CD53: variants seen among roughly 807,000 people sequenced by gnomAD.
CD53 encodes leukocyte surface antigen CD53.
CD53 carries 20 observed loss-of-function variants against 27.3 expected under a neutral mutation model. The observed-to-expected ratio is 0.73, with a 90% CI of 0.52 to 1.07. The LOEUF (loss-of-function observed/expected upper bound fraction) is 1.07. Ranked by LOEUF, CD53 falls within the 50% of genes least tolerant of loss-of-function variation. The probability of loss-of-function intolerance (pLI) is 0.00; values close to 1 mark genes in which losing one functional copy is unlikely to be tolerated. For missense variants in CD53, 216 were observed against 264.0 expected, an observed-to-expected ratio of 0.82 and a Z score of 1.26; for synonymous variants, 106 against 105.3, an observed-to-expected ratio of 1.01 and a Z score of -0.04.
chr1:110,874,098 C>A (rs140974684), intron 1 of CD53, among the ~76,000 whole-genome samples: 1,635 of 152,308 alleles, frequency 0.011, 8 homozygotes, highest in Middle Eastern at 0.027. Context: ...TATGTAAGAG[C>A]TTTCTTCTTC....
intron 7 of CD53, among the ~76,000 whole-genome samples, 181 bp from the exon 8 acceptor site, chr1:110,898,943 C>T (rs1215385846): frequency 2.6e-5 from 4 of 152,178 alleles, no homozygotes; most frequent in Non-Finnish European, 5.9e-5. Flanking sequence ...GACCCCGTTT[C>T]TCTCCTCACT....
rs150204756 is a variant in CD53 at position 110,894,367 on chromosome 1, C to T, written c.293C>T (p.Thr98Ile). ...CTGATTATCCTCCTTGCTGAGGTGA[C>T]CTTGGCCATCCTGCTCTTTGTATAT... ...LLLIILLAEV[T>I]LAILLFVYEQ... The change falls in exon 4 of 8, where the codon ACC becomes ATC. Residue 98 changes from threonine (T) to isoleucine (I), a missense_variant. Thr to Ile is a moderately conservative substitution (Grantham distance 89). Transcript: ENST00000271324. 1.2e-6 allele frequency: 2 copies of T among 1,613,890 alleles called. No individual in the cohort carries two copies. Among genetic ancestry groups the T allele is most frequent in the Non-Finnish European group, 1.7e-6 (2 of 1,179,944 alleles).
intron 6 of CD53, among the ~76,000 whole-genome samples, chr1:110,896,946 C>T (rs1312658752): frequency 6.6e-6 from 1 of 152,184 alleles, no homozygotes; most frequent in Non-Finnish European, 1.5e-5. Context: ...ATTGATCTTG[C>T]TACACTAGAC....
chr1:110,884,908 G>C (rs917740103), intron 1 of CD53, among the ~76,000 whole-genome samples: 4 of 151,846 alleles, frequency 2.6e-5, no homozygotes, highest in African/African-American at 7.3e-5. Context: ...ATTTATTCCT[G>C]CTTCATATTT....
chr1:110,896,379 C>T (rs1239793522), intron 5 of CD53, among the ~76,000 whole-genome samples: 2 of 152,156 alleles, frequency 1.3e-5, no homozygotes, highest in Non-Finnish European at 2.9e-5. Flanking sequence ...TCAGCCTAAT[C>T]CCTCCATTAT....
intron 1 of CD53, among the ~76,000 whole-genome samples, chr1:110,886,431 G>A (rs1656606910): frequency 6.6e-6 from 1 of 152,040 alleles, no homozygotes; most frequent in Admixed American, 6.6e-5. Flanking sequence ...ATTTTATTTA[G>A]TCATTATTTC....
chr1:110,890,170 A>C (rs6687308), intron 1 of CD53, among the ~76,000 whole-genome samples: 96,976 of 151,946 alleles, frequency 0.64, 33,070 homozygotes, highest in Non-Finnish European at 0.77. Flanking sequence ...GCATAATTTT[A>C]ATGGAAAAAA....
At chr1:110,875,166 A>T (rs139451790) in intron 1 of CD53, among the ~76,000 whole-genome samples, 43 of 152,348 alleles carry the variant, frequency 2.8e-4, no homozygotes, top group African/African-American at 1.0e-3. Context: ...GGTGCTGTAT[A>T]TTCAAATTCA....
rs903132970 is a variant in CD53 at position 110,894,197 on chromosome 1, A to C, written c.253-130A>C. ...ATTTTCACAAAACAAAAGAAGGCTT[A>C]CAACGGCCTGAGGAGGCAGAACAGG... On this transcript the variant is annotated intron_variant, in intron 3 of 7. Transcript: ENST00000271324. 6.2e-5 allele frequency: 46 copies of C among 738,662 alleles called. No homozygotes were observed. In the South Asian group the frequency reaches 7.1e-4, roughly 11 times the overall value. 45.8% of individuals were successfully genotyped at this position (738,662 alleles called of 1,614,324 possible). A position where few individuals can be genotyped will look rare whatever the true frequency, so the allele number is the denominator to read the frequency against.
At chr1:110,881,827 T>C (rs1273225274) in intron 1 of CD53, among the ~76,000 whole-genome samples, 1 of 152,198 alleles carries the variant, frequency 6.6e-6, no homozygotes, top group Non-Finnish European at 1.5e-5. Context: ...AGTGGTATCT[T>C]ACCATGGTTT....
chr1:110,885,691 C>T (rs772742161), intron 1 of CD53, among the ~76,000 whole-genome samples: 5 of 151,700 alleles, frequency 3.3e-5, no homozygotes, highest in Non-Finnish European at 7.4e-5. Flanking sequence ...GGCGAAACCC[C>T]CTCTCTACTA....
chr1:110,890,595 GAGAAA>G lies in CD53; in HGVS notation c.-17-796_-17-792del, dbSNP rs1557818641. ...AAAGAAAGAAAGAGAGAAAGAGAAA[GAGAAA>G]GGAAAGGAAAGCGAAAAGGAAAAGT... On this transcript the variant is annotated intron_variant, in intron 1 of 7. Transcript: ENST00000271324. 2.8e-3 allele frequency among the ~76,000 whole-genome samples: 432 copies of G among 151,848 alleles called. 2 individuals carry two copies. The highest frequency in any genetic ancestry group is 0.01 in the African/African-American group (416 of 41,436).
At chr1:110,874,070 G>A (rs1012127619) in intron 1 of CD53, among the ~76,000 whole-genome samples, 6 of 152,228 alleles carry the variant, frequency 3.9e-5, no homozygotes, top group Non-Finnish European at 8.8e-5. Context: ...GACTCTCTGT[G>A]ACCACCATCG....
chr1:110,871,307 G>T (rs1489845833), upstream of CD53, among the ~76,000 whole-genome samples: 1 of 152,178 alleles, frequency 6.6e-6, no homozygotes, highest in African/African-American at 2.4e-5. Flanking sequence ...GAGAGAGGTG[G>T]TCTGGTTTGA....
chr1:110,876,418 T>C (rs1214635959), intron 1 of CD53, among the ~76,000 whole-genome samples: 2 of 152,226 alleles, frequency 1.3e-5, no homozygotes, highest in Non-Finnish European at 2.9e-5. Flanking sequence ...TAATTGTAAA[T>C]GTAATTGATC....
chr1:110,881,686 T>C (rs1656359058), intron 1 of CD53, among the ~76,000 whole-genome samples: 2 of 152,224 alleles, frequency 1.3e-5, no homozygotes, highest in African/African-American at 4.8e-5. Context: ...ACGAGCAAAC[T>C]GCTTTTGAAC....
At position 110,896,673 on chromosome 1, in the gene CD53, T is replaced by C; in HGVS notation, c.444T>C (p.Asn148=). The C allele has an allele frequency of 6.2e-7, 1 of 1,613,608 alleles. No individual in the cohort carries two copies. The highest frequency in any genetic ancestry group is 8.5e-7 in the Non-Finnish European group (1 of 1,179,826). Residue 148 remains asparagine, a synonymous_variant, in exon 6 of 8, where the codon AAT becomes AAC. Transcript: ENST00000271324. ...IQSFLQCCGI[N]GTSDWTSGPP... Reference sequence around the variant, plus strand: ...TTTAGCTGCAGTGTTGTGGTATAAATGGCACGAGTGATTGGACCAGTGGCC... The same window carrying C: ...TTTAGCTGCAGTGTTGTGGTATAAACGGCACGAGTGATTGGACCAGTGGCC...
At chr1:110,878,805 G>T (rs10857833) in intron 1 of CD53, among the ~76,000 whole-genome samples, 67,485 of 151,974 alleles carry the variant, frequency 0.44, 16,616 homozygotes, top group East Asian at 0.6. Flanking sequence ...TCTTAACAGA[G>T]TTCAGTGGAG....
At chr1:110,889,581 A>AATAT (rs1656766633) in intron 1 of CD53, among the ~76,000 whole-genome samples, 3 of 151,832 alleles carry the variant, frequency 2.0e-5, no homozygotes, top group Admixed American at 2.0e-4. Context: ...TAAATAAATA[A>AATAT]ATAAATAAAG....
Sources: gnomAD v4.1 joint callset for allele counts (sites outside exome capture counted in the v4.1 genomes callset) on GRCh38, gnomAD v4.1.1 for gene constraint, MANE v1.5 for transcripts, NCBI Gene and HGNC (gene_info 2026-07-23, HGNC 2026-07-21) for gene names.